ZCCHC14: variants seen among roughly 807,000 people sequenced by gnomAD.
ZCCHC14 encodes the protein zinc finger CCHC domain-containing protein 14.
ZCCHC14 carries 16 observed loss-of-function variants against 85.0 expected under a neutral mutation model. The observed-to-expected ratio is 0.19, with a 90% CI of 0.13 to 0.29. ZCCHC14 has a LOEUF of 0.29. Among genes scored for constraint, ZCCHC14 ranks in the 10% least tolerant of loss-of-function variants. ZCCHC14 has a pLI of 1.00. For synonymous variants in ZCCHC14, 775 were observed against 630.7 expected, an observed-to-expected ratio of 1.23 and a Z score of -3.43; for missense variants, 1,303 against 1,443.5, an observed-to-expected ratio of 0.90 and a Z score of 1.58.
intron 2 of ZCCHC14, among the ~76,000 whole-genome samples, chr16:87,446,561 A>G (rs1255485263): frequency 6.6e-6 from 1 of 152,180 alleles, no homozygotes; most frequent in Non-Finnish European, 1.5e-5. Flanking sequence ...GGCCCTTTAC[A>G]GAAAACGTTT....
rs749654656 is a variant in ZCCHC14 at position 87,412,768 on chromosome 16, G to T, written c.1953C>A (p.His651Gln). ...ITPIRMLNSV[H>Q]KPERGSADMK... Reference sequence around the variant, plus strand: ...TGTCCGCGCTCCCTCTTTCCGGCTTGTGCACGGAATTCAGCATGCGGATGG... The same window carrying T: ...TGTCCGCGCTCCCTCTTTCCGGCTTTTGCACGGAATTCAGCATGCGGATGG... The change falls in exon 12 of 13, where the codon CAC (histidine) becomes CAA (glutamine). Residue 651 changes from histidine (H) to glutamine (Q), a missense_variant. Coordinates refer to ENST00000671377, the MANE Select transcript of ZCCHC14 (RefSeq NM_015144.3). The T allele has an allele frequency of 6.2e-7, 1 of 1,614,114 alleles. No individual in the cohort carries two copies. The highest frequency in any genetic ancestry group is 1.6e-4 in the Middle Eastern group (1 of 6,062).
chr16:87,467,048 T>A (rs1283799260), intron 1 of ZCCHC14: 2 of 280,482 alleles, frequency 7.1e-6, no homozygotes, highest in Non-Finnish European at 1.4e-5. Flanking sequence ...AAAAATTGTT[T>A]TTTTTTTTTT....
chr16:87,416,177 C>T (rs902831980), intron 8 of ZCCHC14, among the ~76,000 whole-genome samples: 6 of 151,962 alleles, frequency 3.9e-5, no homozygotes, highest in Admixed American at 1.3e-4. Flanking sequence ...CCACCTGCCT[C>T]GGCCTCCCAA....
intron 2 of ZCCHC14, among the ~76,000 whole-genome samples, chr16:87,451,857 G>A (rs148999545): frequency 6.6e-6 from 1 of 152,238 alleles, no homozygotes; most frequent in African/African-American, 2.4e-5. Context: ...AAATCCTGCA[G>A]GTCTGCTGCA....
In ZCCHC14 at chr16:87,411,801, T is replaced by C. The variant is rs747016017; in HGVS notation, c.2920A>G (p.Ser974Gly). Residue 974 changes from serine to glycine, a missense_variant, in exon 12 of 13, where the codon AGC (serine) becomes GGC (glycine). Physicochemically the swap from Ser to Gly is moderately conservative, Grantham distance 56. Coordinates refer to ENST00000671377, the MANE Select transcript of ZCCHC14 (RefSeq NM_015144.3). ...GAGCCGCCGCCGTACTGCTGGGCGCTGACGTAGCCGCTGCTGCACATGGGA... is the reference window on the plus strand; with the variant it reads ...GAGCCGCCGCCGTACTGCTGGGCGCCGACGTAGCCGCTGCTGCACATGGGA... ...FSPMCSSGYV[S>G]AQQYGGGSTF... The C allele has an allele frequency of 8.7e-6, 14 of 1,611,758 alleles. No homozygotes were observed. Among genetic ancestry groups the C allele is most frequent in the Non-Finnish European group, 1.1e-5 (13 of 1,179,356 alleles).
At chr16:87,481,530 GGGGGGGGGGGGT>G (rs1912269529) in intron 1 of ZCCHC14, among the ~76,000 whole-genome samples, 2 of 25,174 alleles carry the variant, frequency 7.9e-5, no homozygotes, top group Non-Finnish European at 1.1e-4. Context: ...GAGAAACGGG[GGGGGGGGGGGGT>G]GGGGGGGGGG....
At chr16:87,450,092 CCTT>C (rs1178575884) in intron 2 of ZCCHC14, among the ~76,000 whole-genome samples, 1 of 152,118 alleles carries the variant, frequency 6.6e-6, no homozygotes, top group African/African-American at 2.4e-5. Flanking sequence ...AGCAGACGCC[CCTT>C]CTTCTAGGTC....
Position 87,412,822 on chromosome 16 carries a change from C to T in ZCCHC14, c.1899G>A (p.Gln633=), listed in dbSNP as rs749803013. The T allele has an allele frequency of 2.5e-6, 4 of 1,610,552 alleles. No homozygotes were observed. The highest frequency in any genetic ancestry group is 2.5e-6 in the Non-Finnish European group (3 of 1,177,892). ...TGATGTGTGAGGCTGCGCTCAGCAT[C>T]TGCGGGGGCAGGGGGTGGTGGCCTG... ...NPSGHHPLPP[Q]MLSAASHITP... is the part of the protein sequence containing the mutation. Residue 633 remains glutamine, a synonymous_variant, in exon 12 of 13, where the codon CAG becomes CAA. Transcript: ENST00000671377.
intron 2 of ZCCHC14, among the ~76,000 whole-genome samples, chr16:87,459,753 C>T (rs746426677): frequency 6.6e-6 from 1 of 152,106 alleles, no homozygotes; most frequent in African/African-American, 2.4e-5. Context: ...AGGTGATCCG[C>T]CCACCTCAGT....
chr16:87,421,247 C>T (rs1240377960), intron 4 of ZCCHC14, among the ~76,000 whole-genome samples: 3 of 152,308 alleles, frequency 2.0e-5, no homozygotes, highest in Non-Finnish European at 4.4e-5. Context: ...GTGCAATTCC[C>T]GGGACCACTC....
rs148604931 is a variant in ZCCHC14, at chr16:87,454,485, TGTTAAA to T, written c.694+5517_694+5522del. 2.5e-4 allele frequency among the ~76,000 whole-genome samples: 38 copies of T among 152,334 alleles called. No homozygotes were observed. The East Asian group carries it at 6.7e-3, about 27-fold the overall frequency. ...GAGCCAGAATATAGCAAAATGACAT[TGTTAAA>T]GTTAAAACAAAAACTCTCAATGAAG... On this transcript the variant is annotated intron_variant, in intron 2 of 12. Coordinates refer to ENST00000671377, the MANE Select transcript of ZCCHC14 (RefSeq NM_015144.3).
intron 1 of ZCCHC14, among the ~76,000 whole-genome samples, chr16:87,474,928 G>C (rs1911933845): frequency 6.6e-6 from 1 of 152,216 alleles, no homozygotes; most frequent in Non-Finnish European, 1.5e-5. Context: ...AGAGTATCTG[G>C]AGTTTGAGTC....
rs569864566 is a variant in ZCCHC14 at position 87,480,129 on chromosome 16, C to T, written c.570+11540G>A. On this transcript the variant is annotated intron_variant, in intron 1 of 12. Coordinates refer to ENST00000671377, the MANE Select transcript of ZCCHC14 (RefSeq NM_015144.3). The stretch of plus-strand genomic sequence containing the variant: ...TTAAAAATAAGAAAGTAGGGCCAGG[C>T]GCAGTGGCTCACACCTGTAATCCCA... 4.3e-4 allele frequency among the ~76,000 whole-genome samples: 65 copies of T among 152,014 alleles called. No individual in the cohort carries two copies. The South Asian group carries it at 0.013, about 30-fold the overall frequency.
At chr16:87,477,527 T>G (rs1195544583) in intron 1 of ZCCHC14, among the ~76,000 whole-genome samples, 2 of 152,214 alleles carry the variant, frequency 1.3e-5, no homozygotes, top group Non-Finnish European at 2.9e-5. Flanking sequence ...GTTCTTCCTC[T>G]CACTTTAAAT....
intron 9 of ZCCHC14, 116 bp from the exon 10 acceptor site, chr16:87,414,657 C>A: frequency 7.2e-7 from 1 of 1,383,738 alleles, no homozygotes; most frequent in Non-Finnish European, 9.7e-7. Flanking sequence ...AGGGCGACTT[C>A]GAGATGGGTC....
Position 87,410,182 on chromosome 16 carries a change from A to G in ZCCHC14, c.*98T>C. 1.7e-6 allele frequency: 1 copy of G among 595,262 alleles called. No homozygotes were observed. Among genetic ancestry groups the G allele is most frequent in the Non-Finnish European group, 3.1e-6 (1 of 327,302 alleles). The allele number at this position is 595,262 out of a possible 1,614,324, so 36.9% of individuals were successfully genotyped here. A position where few individuals can be genotyped will look rare whatever the true frequency, so the allele number is the denominator to read the frequency against. On this transcript the variant is annotated 3_prime_UTR_variant, in exon 13 of 13. Coordinates refer to ENST00000671377, the MANE Select transcript of ZCCHC14 (RefSeq NM_015144.3). ...GGAAAAGTAAAGCACCTTTGGATTA[A>G]AAAGATTAAGCTCAACAGCAACTAG...
intron 1 of ZCCHC14, among the ~76,000 whole-genome samples, chr16:87,465,606 C>T (rs1911482955): frequency 6.6e-6 from 1 of 152,202 alleles, no homozygotes; most frequent in Admixed American, 6.5e-5. Context: ...ACCCTTCTTA[C>T]TGTTACAGTT....
At chr16:87,459,071 G>A (rs983022667) in intron 2 of ZCCHC14, among the ~76,000 whole-genome samples, 9 of 152,210 alleles carry the variant, frequency 5.9e-5, no homozygotes, top group Admixed American at 5.9e-4. Flanking sequence ...TAACACGGCA[G>A]AGGCTGGCGT....
Position 87,410,349 on chromosome 16 carries a change from A to G in ZCCHC14, c.3206-14T>C. 1.3e-6 allele frequency: 1 copy of G among 773,038 alleles called. No homozygotes were observed. Among genetic ancestry groups the G allele is most frequent in the Non-Finnish European group, 2.4e-6 (1 of 415,182 alleles). The allele number at this position is 773,038 out of a possible 1,614,324, so 47.9% of individuals were successfully genotyped here. A position where few individuals can be genotyped will look rare whatever the true frequency, so the allele number is the denominator to read the frequency against. On this transcript the variant is annotated splice_polypyrimidine_tract_variant and intron_variant, in intron 12 of 12. Coordinates refer to ENST00000671377, the MANE Select transcript of ZCCHC14 (RefSeq NM_015144.3). The stretch of plus-strand genomic sequence containing the variant: ...ACCTAAAAGTACCTAGAGAGAGGGG[A>G]AAAAAGAGGTCAAATTTGAATGACT...
Sources: gnomAD v4.1 joint callset for allele counts (sites outside exome capture counted in the v4.1 genomes callset) on GRCh38, gnomAD v4.1.1 for gene constraint, MANE v1.5 for transcripts, NCBI Gene and HGNC (gene_info 2026-07-23, HGNC 2026-07-21) for gene names.